PPM1N: variants seen among roughly 807,000 people sequenced by gnomAD.
PPM1N encodes the protein protein phosphatase, Mg2+/Mn2+ dependent 1N (putative).
A neutral mutation model predicts 32.6 loss-of-function variants in PPM1N; 35 were observed. That is an observed-to-expected ratio of 1.07 (90% CI 0.82 to 1.43). PPM1N has a LOEUF of 1.43. Ranked by LOEUF, PPM1N falls within the 40% of genes most tolerant of loss-of-function variation. The pLI, the probability that PPM1N is intolerant of heterozygous loss-of-function variation, is 0.00. For synonymous variants in PPM1N, 275 were observed against 270.5 expected (o/e 1.02, Z -0.16); for missense variants, 648 against 606.6 (o/e 1.07, Z -0.72).
intron 1 of PPM1N, 78 bp downstream of exon 1, chr19:45,499,489 C>A: frequency 6.3e-7 from 1 of 1,589,506 alleles, no homozygotes; most frequent in African/African-American, 1.3e-5. Context: ...GGGAGGAGGG[C>A]TTTGATAGAG....
In PPM1N at chr19:45,500,539, C is replaced by G; in HGVS notation, c.1141C>G (p.Pro381Ala). 3 of 1,610,912 alleles carry G rather than the reference C, an allele frequency of 1.9e-6. No individual in the cohort carries two copies. The highest frequency in any genetic ancestry group is 2.5e-6 in the Non-Finnish European group (3 of 1,178,504). Residue 381 changes from proline (P) to alanine (A), a missense_variant, in exon 3 of 5, where the codon CCT becomes GCT. By Grantham distance (27) the Pro-to-Ala change is conservative (BLOSUM62 -1). Transcript: ENST00000451287. ...CTCAGAGGACATCCCAGATTTACCT[C>G]CTGGGGGAGGGCTGGACTGCAAGTG... ...LASEDIPDLPPGGGLDCKATV... is the reference protein window; with the variant it reads ...LASEDIPDLPAGGGLDCKATV...
In PPM1N at chr19:45,500,015, G is replaced by A. The variant is rs61741081; in HGVS notation, c.1006G>A (p.Ala336Thr). ...TGGGGCCCCTAGGCCTTCTGAGGAG[G>A]CGATCAGGAGGGAGCTAGCACTGGA... ...FPGAPRPSEE[A>T]IRRELALDAA... Residue 336 changes from alanine (A) to threonine (T), a missense_variant, in exon 2 of 5, where the codon GCG becomes ACG. Transcript: ENST00000451287. 7.2e-5 allele frequency: 115 copies of A among 1,604,280 alleles called. 1 individual carries two copies. In the African/African-American group the frequency reaches 1.4e-3, roughly 19 times the overall value.
chr19:45,500,613 G>T, intron 3 of PPM1N, 37 bp from the exon 4 acceptor site: 1 of 1,593,096 alleles, frequency 6.3e-7, no homozygotes, highest in Non-Finnish European at 8.6e-7. Flanking sequence ...GTGGAAGGAG[G>T]AGAGTCCCCT....
chr19:45,502,064 A>AC lies in PPM1N; in HGVS notation c.1272_1273insC (p.Ala425ArgfsTer25), dbSNP rs777366839. ...AGTCCAACCCCACGCATTTGGGCTC[A>AC]GCCTTGGACATGGAGGCCTGACAGC... On this transcript the variant is annotated frameshift_variant, in exon 5 of 5. Coordinates refer to ENST00000451287, the MANE Select transcript of PPM1N (RefSeq NM_001080401.2). LOFTEE classifies it high-confidence loss of function. 1.2e-5 allele frequency: 18 copies of AC among 1,564,928 alleles called. No individual in the cohort carries two copies. The Admixed American group carries it at 3.7e-4, about 33-fold the overall frequency.
chr19:45,500,583 TG>T (rs765229601), intron 3 of PPM1N, 22 bp downstream of exon 3: 1 of 1,494,146 alleles, frequency 6.7e-7, no homozygotes, highest in South Asian at 1.2e-5. Context: ...TGAGGAAGGG[TG>T]GGGTGGAATG....
intron 4 of PPM1N, among the ~76,000 whole-genome samples, chr19:45,501,596 TAG>T (rs771965901): frequency 2.6e-5 from 4 of 152,206 alleles, no homozygotes; most frequent in African/African-American, 4.8e-5. Context: ...TTGAAGAGTT[TAG>T]AGTCTTAAGG....
chr19:45,498,697 G>C lies in PPM1N; in HGVS notation c.225G>C (p.Trp75Cys), dbSNP rs1599918841. 2.0e-6 allele frequency: 3 copies of C among 1,491,892 alleles called. No individual in the cohort carries two copies. In the East Asian group the frequency reaches 8.5e-5, roughly 42 times the overall value. 92.4% of individuals were successfully genotyped at this position (1,491,892 alleles called of 1,614,324 possible). A position where few individuals can be genotyped will look rare whatever the true frequency, so the allele number is the denominator to read the frequency against. ...TCGGGGCGAGCGCAGCGCAAGGCTGGCGCGCGCGCATGGAGGATGCTCACT... is the reference window on the plus strand; with the variant it reads ...TCGGGGCGAGCGCAGCGCAAGGCTGCCGCGCGCGCATGGAGGATGCTCACT... ...LRFGASAAQG[W>C]RARMEDAHCT... The change falls in exon 1 of 5, where the codon TGG (tryptophan) becomes TGC (cysteine). Residue 75 changes from tryptophan (W) to cysteine (C), a missense_variant. By Grantham distance (215) the Trp-to-Cys change is radical. Coordinates refer to ENST00000451287, the MANE Select transcript of PPM1N (RefSeq NM_001080401.2).
chr19:45,501,905 A>G, intron 4 of PPM1N, 112 bp from the exon 5 acceptor site: 2 of 698,150 alleles, frequency 2.9e-6, no homozygotes, highest in South Asian at 5.6e-5. Flanking sequence ...CACTCCATTC[A>G]AACCTTAATG....
Position 45,498,543 on chromosome 19 carries a change from AG to A in PPM1N, c.75del (p.Arg26GlyfsTer21). The A allele has an allele frequency of 6.9e-7, 1 of 1,445,718 alleles. No homozygotes were observed. Among genetic ancestry groups the A allele is most frequent in the Non-Finnish European group, 9.1e-7 (1 of 1,102,470 alleles). The allele number at this position is 1,445,718 out of a possible 1,614,324, so 89.6% of individuals were successfully genotyped here. On this transcript the variant is annotated frameshift_variant, in exon 1 of 5. Transcript: ENST00000451287. LOFTEE classifies it high-confidence loss of function. ...TGCAAGAAAAAGGAGAGGGAGAAGG[AG>A]GGGAGGGAGGAAGAGGAGGAGGAGG... ...TACKKKEREKEGREEEEEEEA... is the reference protein window; with the variant it reads ...TACKKKEREKXGREEEEEEEA...
intron 2 of PPM1N, 44 bp from the exon 3 acceptor site, chr19:45,500,412 G>A: frequency 6.5e-7 from 1 of 1,529,584 alleles, no homozygotes; most frequent in Non-Finnish European, 8.9e-7. Context: ...TGGGATTACA[G>A]GCGTGCGCCA....
chr19:45,499,064 G>C lies in PPM1N; in HGVS notation c.592G>C (p.Glu198Gln). 6.5e-7 allele frequency: 1 copy of C among 1,526,746 alleles called. No homozygotes were observed. Among genetic ancestry groups the C allele is most frequent in the Non-Finnish European group, 8.7e-7 (1 of 1,147,496 alleles). The allele number at this position is 1,526,746 out of a possible 1,614,324, so 94.6% of individuals were successfully genotyped here. The change falls in exon 1 of 5, where the codon GAG (glutamate) becomes CAG (glutamine). Residue 198 changes from glutamate (E) to glutamine (Q), a missense_variant. Coordinates refer to ENST00000451287, the MANE Select transcript of PPM1N (RefSeq NM_001080401.2). Reference protein sequence around the residue: ...SRAGAVAFSTEDHRPLRPRER... With the variant: ...SRAGAVAFSTQDHRPLRPRER... ...CGCTGGCGCCGTGGCCTTCAGCACA[G>C]AGGACCACCGGCCCCTTCGACCCCG...
intron 4 of PPM1N, among the ~76,000 whole-genome samples, chr19:45,500,946 G>T (rs995820510): frequency 2.0e-5 from 3 of 149,844 alleles, no homozygotes; most frequent in African/African-American, 7.4e-5. Flanking sequence ...AAACTCCTGG[G>T]CTCAAGGGAT....
At chr19:45,499,790 G>A (rs1469437445) in intron 1 of PPM1N, 159 bp from the exon 2 acceptor site, 1 of 1,499,980 alleles carries the variant, frequency 6.7e-7, no homozygotes, top group Non-Finnish European at 8.9e-7. Context: ...GAGCGCCTAG[G>A]ACCGGGTTTG....
rs1275435113 is a variant in PPM1N, at chr19:45,500,717, A to T, written c.1224+7A>T. On this transcript the variant is annotated splice_region_variant and intron_variant, in intron 4 of 4. Transcript: ENST00000451287. ...CTCAGAAGAGTGCGGAGAGGTAAGG[A>T]TCCTGTGTTCTCCAGTGTTTCTCTT... is the stretch of plus-strand genomic sequence containing the variant. The T allele has an allele frequency of 6.3e-6, 10 of 1,592,170 alleles. No homozygotes were observed. Among genetic ancestry groups the T allele is most frequent in the Non-Finnish European group, 8.6e-6 (10 of 1,169,508 alleles).
At position 45,502,203 on chromosome 19, in the gene PPM1N, AC is replaced by A. The variant is rs745985283; in HGVS notation, c.*121del. 9.0e-5 allele frequency: 68 copies of A among 755,504 alleles called. 1 individual carries two copies. Among genetic ancestry groups the A allele is most frequent in the Admixed American group, 3.0e-4 (12 of 39,354 alleles). 46.8% of individuals were successfully genotyped at this position (755,504 alleles called of 1,614,324 possible). A position where few individuals can be genotyped will look rare whatever the true frequency, so the allele number is the denominator to read the frequency against. ...GGAAGGAAGGAAGGCCAATGTAGGA[AC>A]CCAAAATGCTTATTTCTTCTTCTCT... On this transcript the variant is annotated 3_prime_UTR_variant, in exon 5 of 5. Transcript: ENST00000451287.
rs1174572869 is a variant in PPM1N, at chr19:45,499,283, C to T, written c.811C>T (p.Leu271=). ...ARQAEDEFML[L]ASDGVWDTVS... is the part of the protein sequence containing the mutation. ...CCAGGCTGAGGACGAGTTCATGCTC[C>T]TGGCCTCTGATGGCGTCTGGGACAC... Residue 271 remains leucine, a synonymous_variant, in exon 1 of 5, where the codon CTG becomes TTG. Transcript: ENST00000451287. 5.6e-6 allele frequency: 9 copies of T among 1,612,866 alleles called. No individual in the cohort carries two copies. The highest frequency in any genetic ancestry group is 6.8e-6 in the Non-Finnish European group (8 of 1,179,804).
Position 45,500,577 on chromosome 19 carries a change from G to A in PPM1N, c.1163+16G>A, listed in dbSNP as rs775749460. On this transcript the variant is annotated intron_variant, in intron 3 of 4. Coordinates refer to ENST00000451287, the MANE Select transcript of PPM1N (RefSeq NM_001080401.2). Reference sequence around the variant, plus strand: ...TGGACTGCAAGTGAGTTGGGGTGAGGAAGGGTGGGGTGGAATGAGGGTGGG... The same window carrying A: ...TGGACTGCAAGTGAGTTGGGGTGAGAAAGGGTGGGGTGGAATGAGGGTGGG... The A allele has an allele frequency of 6.6e-7, 1 of 1,517,836 alleles. No homozygotes were observed. Among genetic ancestry groups the A allele is most frequent in the African/African-American group, 1.4e-5 (1 of 72,826 alleles). The allele number at this position is 1,517,836 out of a possible 1,614,324, so 94.0% of individuals were successfully genotyped here. A position where few individuals can be genotyped will look rare whatever the true frequency, so the allele number is the denominator to read the frequency against.
rs1968399926 is a variant in PPM1N at position 45,500,688 on chromosome 19, A to C, written c.1202A>C (p.Gln401Pro). ...GCTGAAGTTTATTCTCAGATCTGCC[A>C]GGTCTCAGAAGAGTGCGGAGAGGTA... Reference protein sequence around the residue: ...VIAEVYSQICQVSEECGEKGQ... With the variant: ...VIAEVYSQICPVSEECGEKGQ... Residue 401 changes from glutamine to proline, a missense_variant, in exon 4 of 5, where the codon CAG becomes CCG. By Grantham distance (76) the Gln-to-Pro change is moderately conservative. Transcript: ENST00000451287. The C allele has an allele frequency of 6.2e-7, 1 of 1,603,928 alleles. No homozygotes were observed. The highest frequency in any genetic ancestry group is 8.5e-7 in the Non-Finnish European group (1 of 1,175,516).
At chr19:45,499,591 G>C in intron 1 of PPM1N, 180 bp downstream of exon 1, 1 of 1,549,724 alleles carries the variant, frequency 6.5e-7, no homozygotes, top group Non-Finnish European at 8.7e-7. Flanking sequence ...GGCGGAGCCT[G>C]AGGGATGCTT....
Sources: gnomAD v4.1 joint callset for allele counts (sites outside exome capture counted in the v4.1 genomes callset) on GRCh38, gnomAD v4.1.1 for gene constraint, MANE v1.5 for transcripts, NCBI Gene and HGNC (gene_info 2026-07-23, HGNC 2026-07-21) for gene names.